The following SLC5A5 variants were observed in gnomAD, a reference collection of about 807,000 sequenced individuals.
The protein encoded by SLC5A5 is solute carrier family 5 member 5.
In SLC5A5, 56 loss-of-function variants were observed where a neutral mutation model predicts 68.6. The ratio of observed to expected loss-of-function variants is 0.82; its 90% confidence interval spans 0.66 to 1.02. SLC5A5 has a LOEUF of 1.02. Ranked by LOEUF, SLC5A5 falls within the 50% of genes least tolerant of loss-of-function variation. SLC5A5 has a pLI of 0.00. For missense variants in SLC5A5, 807 were observed against 859.8 expected (o/e 0.94, Z 0.77); for synonymous variants, 398 against 373.0 (o/e 1.07, Z -0.77).
intron 7 of SLC5A5, among the ~76,000 whole-genome samples, chr19:17,880,033 G>A (rs2094316987): frequency 6.6e-6 from 1 of 151,834 alleles, no homozygotes; most frequent in South Asian, 2.1e-4. Flanking sequence ...CGAGTAGCTG[G>A]GATGACAGGC....
chr19:17,872,547 G>A lies in SLC5A5; in HGVS notation c.228G>A (p.Val76=), dbSNP rs1359493056. ...SFMSAVQVLG[V]PSEAYRYGLK... ...TGTCGGCCGTGCAGGTGCTGGGCGT[G>A]CCGTCGGAGGCCTATCGCTATGGCC... Residue 76 remains valine, a synonymous_variant, in exon 1 of 15, where the codon GTG becomes GTA. Coordinates refer to ENST00000222248, the MANE Select transcript of SLC5A5 (RefSeq NM_000453.3). The A allele has an allele frequency of 2.5e-6, 4 of 1,612,646 alleles. No individual in the cohort carries two copies. The highest frequency in any genetic ancestry group is 2.5e-6 in the Non-Finnish European group (3 of 1,179,880).
At chr19:17,875,849 A>C in intron 4 of SLC5A5, 103 bp from the exon 5 acceptor site, 2 of 974,210 alleles carry the variant, frequency 2.1e-6, no homozygotes, top group Non-Finnish European at 3.3e-6. Flanking sequence ...CCCACTTTAG[A>C]GAGGAGGAGA....
At chr19:17,881,771 C>T (rs2094321126) in intron 8 of SLC5A5, among the ~76,000 whole-genome samples, 189 bp from the exon 9 acceptor site, 1 of 152,218 alleles carries the variant, frequency 6.6e-6, no homozygotes, top group African/African-American at 2.4e-5. Context: ...TGCCCTTGGT[C>T]ACAGGTGTCC....
chr19:17,882,503 TTTTTTTC>T (rs1391243575), intron 10 of SLC5A5, among the ~76,000 whole-genome samples: 1 of 149,632 alleles, frequency 6.7e-6, no homozygotes, highest in Non-Finnish European at 1.5e-5. Flanking sequence ...GCCTGGCTAA[TTTTTTTC>T]TTTTTTCTTT....
At chr19:17,875,134 C>T (rs186918500) in intron 4 of SLC5A5, among the ~76,000 whole-genome samples, 1 of 152,214 alleles carries the variant, frequency 6.6e-6, no homozygotes, top group African/African-American at 2.4e-5. Context: ...CTTTGGGAAG[C>T]AGAGGCAGGC....
Position 17,884,012 on chromosome 19 carries a change from C to G in SLC5A5, c.1492C>G (p.Leu498Val), listed in dbSNP as rs561341081. ...CGCCTCTGGCCTCCTGGACCCGGCT[C>G]TCCTCCCTGCTAACGACTCCAGCAG... The part of the protein sequence containing the change: ...VNASGLLDPA[L>V]LPANDSSRAP... The change falls in exon 12 of 15, where the codon CTC (leucine) becomes GTC (valine). Residue 498 changes from leucine (L) to valine (V), a missense_variant. Leu to Val is a conservative substitution (Grantham distance 32, BLOSUM62 1). Coordinates refer to ENST00000222248, the MANE Select transcript of SLC5A5 (RefSeq NM_000453.3). The G allele has an allele frequency of 6.4e-7, 1 of 1,572,814 alleles. No homozygotes were observed. Among genetic ancestry groups the G allele is most frequent in the East Asian group, 2.3e-5 (1 of 43,166 alleles).
chr19:17,888,614 T>TATTATC (rs149718142), intron 13 of SLC5A5, among the ~76,000 whole-genome samples, 159 bp downstream of exon 13: 2 of 140,674 alleles, frequency 1.4e-5, no homozygotes, highest in Admixed American at 7.0e-5. Context: ...TTATTATTAT[T>TATTATC]ATTATCATCA....
intron 5 of SLC5A5, among the ~76,000 whole-genome samples, chr19:17,876,452 G>T (rs1599913210): frequency 6.7e-6 from 1 of 149,542 alleles, no homozygotes. Context: ...AAGAGGCTGG[G>T]TGCAGTGGTT....
Position 17,887,597 on chromosome 19 carries a change from A to ATTTTT in SLC5A5, c.1527-720_1527-716dup, listed in dbSNP as rs59690936. Among the ~76,000 whole-genome samples the ATTTTT allele has an allele frequency of 8.8e-4, 106 of 120,962 alleles. 4 individuals carry two copies. Among genetic ancestry groups the ATTTTT allele is most frequent in the African/African-American group, 3.3e-3 (102 of 30,902 alleles). 79.4% of individuals were successfully genotyped at this position (120,962 alleles called of 152,430 possible). On this transcript the variant is annotated intron_variant, in intron 12 of 14. Transcript: ENST00000222248. ...CAACATGCCTGGCCAGAAGTTTTTA[A>ATTTTT]TTTTTTTTTTTTTTTTTTGAGATGG... is the stretch of plus-strand genomic sequence containing the variant.
At chr19:17,889,776 T>C (rs543530012) in intron 13 of SLC5A5, among the ~76,000 whole-genome samples, 2 of 152,320 alleles carry the variant, frequency 1.3e-5, no homozygotes, top group East Asian at 3.9e-4. Context: ...CAGTAGAGGA[T>C]ATGGGTTGGG....
chr19:17,883,631 G>A (rs559103768), intron 10 of SLC5A5, 50 bp from the exon 11 acceptor site: 2 of 1,468,348 alleles, frequency 1.4e-6, no homozygotes, highest in Non-Finnish European at 1.9e-6. Flanking sequence ...CTGAGGCCCA[G>A]AGCGGTGGGA....
At chr19:17,888,749 C>T (rs1043869251) in intron 13 of SLC5A5, among the ~76,000 whole-genome samples, 5 of 151,706 alleles carry the variant, frequency 3.3e-5, no homozygotes, top group Non-Finnish European at 5.9e-5. Context: ...TCTCATGTCA[C>T]AGCCTCCCGA....
In SLC5A5 at chr19:17,878,023, G is replaced by A. The variant is rs1356318346; in HGVS notation, c.899G>A (p.Gly300Asp). The A allele has an allele frequency of 6.2e-7, 1 of 1,613,264 alleles. No homozygotes were observed. The change falls in exon 7 of 15, where the codon GGC becomes GAC. Residue 300 changes from glycine (G) to aspartate (D), a missense_variant. Physicochemically the swap from Gly to Asp is moderately conservative, Grantham distance 94. Transcript: ENST00000222248. ...FLIVSSAACC[G>D]IVMFVFYTDC... ...ATCGTGTCCAGCGCTGCCTGCTGTG[G>A]CATCGTCATGTTTGTGTTCTACACT...
At chr19:17,888,223 T>C in intron 12 of SLC5A5, 108 bp from the exon 13 acceptor site, 1 of 1,359,866 alleles carries the variant, frequency 7.4e-7, no homozygotes, top group Admixed American at 1.7e-5. Flanking sequence ...AGGTCTGTGC[T>C]AGGCCATGGC....
At chr19:17,881,713 A>T (rs1287982515) in intron 8 of SLC5A5, among the ~76,000 whole-genome samples, 1 of 152,192 alleles carries the variant, frequency 6.6e-6, no homozygotes, top group Middle Eastern at 3.2e-3. Flanking sequence ...AATCTCCCAC[A>T]TGTGACTGCA....
At position 17,894,150 on chromosome 19, in the gene SLC5A5, T is replaced by TA; in HGVS notation, c.*273_*274insA. 5.6e-6 allele frequency: 2 copies of TA among 359,120 alleles called. No homozygotes were observed. Among genetic ancestry groups the TA allele is most frequent in the Non-Finnish European group, 1.0e-5 (2 of 192,394 alleles). 22.2% of individuals were successfully genotyped at this position (359,120 alleles called of 1,614,324 possible). On this transcript the variant is annotated 3_prime_UTR_variant, in exon 15 of 15. Coordinates refer to ENST00000222248, the MANE Select transcript of SLC5A5 (RefSeq NM_000453.3). ...CTGGGTTTTTCTCTCTCTCTTTTTT[T>TA]TTTTTTTTTTTTTTTGAGACAGGGT...
chr19:17,894,092 C>G lies in SLC5A5; in HGVS notation c.*215C>G. On this transcript the variant is annotated 3_prime_UTR_variant, in exon 15 of 15. Coordinates refer to ENST00000222248, the MANE Select transcript of SLC5A5 (RefSeq NM_000453.3). ...TGCTTCAACCGTCCCCAGTATTAGA[C>G]GCTGCAGCCCTGACGGCTCCCCCCA... The G allele has an allele frequency of 1.7e-6, 1 of 575,048 alleles. No individual in the cohort carries two copies. Among genetic ancestry groups the G allele is most frequent in the Non-Finnish European group, 3.1e-6 (1 of 323,844 alleles). 35.6% of individuals were successfully genotyped at this position (575,048 alleles called of 1,614,324 possible).
At position 17,876,030 on chromosome 19, in the gene SLC5A5, C is replaced by G. The variant is rs776870236; in HGVS notation, c.622C>G (p.Arg208Gly). Residue 208 changes from arginine to glycine, a missense_variant, in exon 5 of 15, where the codon CGC becomes GGC. Transcript: ENST00000222248. Reference protein sequence around the residue: ...MLSGFWVVLARGVMLVGGPRQ... With the variant: ...MLSGFWVVLAGGVMLVGGPRQ... ...AAGTGGCTTCTGGGTTGTCCTGGCACGCGGTGTCATGCTTGTGGGCGGGCC... is the reference window on the plus strand; with the variant it reads ...AAGTGGCTTCTGGGTTGTCCTGGCAGGCGGTGTCATGCTTGTGGGCGGGCC... 2.5e-6 allele frequency: 4 copies of G among 1,614,014 alleles called. No individual in the cohort carries two copies. In the Admixed American group the frequency reaches 6.7e-5, roughly 27 times the overall value.
At chr19:17,878,152 G>C in intron 7 of SLC5A5, 59 bp downstream of exon 7, 1 of 1,571,880 alleles carries the variant, frequency 6.4e-7, no homozygotes, top group East Asian at 2.2e-5. Flanking sequence ...TGGTGGGATT[G>C]AGGTCGAAGA....
Sources: allele counts gnomAD v4.1 joint callset (sites outside exome capture counted in the v4.1 genomes callset), GRCh38; gene constraint gnomAD v4.1.1; transcripts MANE v1.5; gene names NCBI Gene and HGNC (gene_info 2026-07-23, HGNC 2026-07-21).